Variants in RGS7 observed in about 807,000 individuals in gnomAD.
RGS7 encodes the protein regulator of G-protein signaling 7.
Under a neutral mutation model 81.1 loss-of-function variants are expected in RGS7, and 27 were observed. The ratio of observed to expected loss-of-function variants is 0.33; its 90% confidence interval spans 0.25 to 0.46. The LOEUF is 0.46. Among genes scored for constraint, RGS7 ranks in the 20% least tolerant of loss-of-function variants. The pLI, the probability that RGS7 is intolerant of heterozygous loss-of-function variation, is 1.00. For synonymous variants in RGS7, 208 were observed against 207.7 expected (o/e 1.00, Z -0.01); for missense variants, 396 against 607.4 (o/e 0.65, Z 3.66).
Position 240,784,624 on chromosome 1 carries a change from C to T in RGS7, c.*7-8411G>A, listed in dbSNP as rs538043506. 7.6e-3 allele frequency among the ~76,000 whole-genome samples: 1,140 copies of T among 149,344 alleles called. 9 individuals are homozygous for T. The highest frequency in any genetic ancestry group is 0.026 in the African/African-American group (1,032 of 40,454). Reference sequence around the variant, plus strand: ...TTGCTCCACTGCGCTCCAGCCTGGGCAACAGAATAAGACTCCGCCTCAAAA... The same window carrying T: ...TTGCTCCACTGCGCTCCAGCCTGGGTAACAGAATAAGACTCCGCCTCAAAA... On this transcript the variant is annotated intron_variant, in intron 18 of 18. Transcript: ENST00000440928.
At chr1:241,261,570 A>G (rs112380003) in intron 2 of RGS7, among the ~76,000 whole-genome samples, 23,834 of 149,770 alleles carry the variant, frequency 0.16, 2,019 homozygotes, top group Admixed American at 0.24. Context: ...TGGAGGTTGC[A>G]GTGAGCCGAG....
chr1:241,112,742 C>T (rs1216986747), intron 2 of RGS7, among the ~76,000 whole-genome samples: 4 of 152,134 alleles, frequency 2.6e-5, no homozygotes, highest in South Asian at 4.1e-4. Context: ...TGTAGAAGGG[C>T]AAAAGGAAAA....
At chr1:241,026,432 T>A (rs1029602422) in intron 3 of RGS7, among the ~76,000 whole-genome samples, 1 of 151,928 alleles carries the variant, frequency 6.6e-6, no homozygotes, top group African/African-American at 2.4e-5. Flanking sequence ...CTACTAAAAA[T>A]ACAAAAATTA....
At position 241,128,690 on chromosome 1, in the gene RGS7, C is replaced by G. The variant is rs984922900; in HGVS notation, c.79-29928G>C. ...GTAAATATATACAAATAATTTACATCTCTATAAAATATTTCAAAATTATTT... is the reference window on the plus strand; with the variant it reads ...GTAAATATATACAAATAATTTACATGTCTATAAAATATTTCAAAATTATTT... On this transcript the variant is annotated intron_variant, in intron 2 of 18. Transcript: ENST00000440928. Among the ~76,000 whole-genome samples, 9 of 147,482 alleles carry G rather than the reference C, an allele frequency of 6.1e-5. No homozygotes were observed. In the Admixed American group the frequency reaches 6.2e-4, roughly 10 times the overall value.
intron 9 of RGS7, among the ~76,000 whole-genome samples, chr1:240,837,610 A>G (rs1161096962): frequency 5.3e-5 from 8 of 152,198 alleles, no homozygotes; most frequent in Admixed American, 4.6e-4. Flanking sequence ...TTTTTACTTT[A>G]ACACTTAACA....
chr1:241,090,325 C>G (rs546193514), intron 3 of RGS7, among the ~76,000 whole-genome samples: 1 of 151,988 alleles, frequency 6.6e-6, no homozygotes, highest in Non-Finnish European at 1.5e-5. Context: ...AGAGTCAAGG[C>G]GACCCCGGCA....
intron 2 of RGS7, among the ~76,000 whole-genome samples, chr1:241,281,206 G>A (rs1246484672): frequency 2.0e-5 from 3 of 152,150 alleles, no homozygotes; most frequent in Non-Finnish European, 4.4e-5. Context: ...CAGATGGTAC[G>A]TGGCACCATT....
At chr1:241,089,807 C>A (rs1434073214) in intron 3 of RGS7, among the ~76,000 whole-genome samples, 1 of 151,848 alleles carries the variant, frequency 6.6e-6, no homozygotes, top group Non-Finnish European at 1.5e-5. Context: ...AGATCGAGAC[C>A]ATCCCGGCTA....
rs2148028812 is a variant in RGS7, at chr1:240,870,083, G to A, written c.422C>T (p.Ala141Val). The change falls in exon 7 of 19, where the codon GCA (alanine) becomes GTA (valine). Residue 141 changes from alanine (A) to valine (V), a missense_variant. Ala to Val is a moderately conservative substitution (Grantham distance 64). Coordinates refer to ENST00000440928, the MANE Select transcript of RGS7 (RefSeq NM_001364886.1). ...CTCATAGTCTGCGAGCTCCAGTCGT[G>A]CCTTGTTTTGCATTGTTCTCTTGCA... ...YLCKRTMQNK[A>V]RLELADYEAE... 6.2e-7 allele frequency: 1 copy of A among 1,613,984 alleles called. No individual in the cohort carries two copies. The highest frequency in any genetic ancestry group is 2.2e-5 in the East Asian group (1 of 44,864).
intron 9 of RGS7, among the ~76,000 whole-genome samples, chr1:240,862,424 G>T (rs1662381105): frequency 6.6e-6 from 1 of 152,030 alleles, no homozygotes; most frequent in Non-Finnish European, 1.5e-5. Context: ...CTGGCTAATG[G>T]CTTCCAATCC....
chr1:241,108,975 C>T (rs1340658232), intron 2 of RGS7, among the ~76,000 whole-genome samples: 1 of 152,086 alleles, frequency 6.6e-6, no homozygotes, highest in Non-Finnish European at 1.5e-5. Flanking sequence ...CTCTCTTATA[C>T]GAACTCCTTA....
intron 2 of RGS7, among the ~76,000 whole-genome samples, chr1:241,303,157 C>T (rs6688968): frequency 0.041 from 5,951 of 145,906 alleles, 372 homozygotes; most frequent in African/African-American, 0.14. Context: ...AAGTTCATGT[C>T]AAATTGTAAT....
At chr1:241,114,511 T>A (rs1200167047) in intron 2 of RGS7, among the ~76,000 whole-genome samples, 3 of 152,138 alleles carry the variant, frequency 2.0e-5, no homozygotes, top group Non-Finnish European at 4.4e-5. Flanking sequence ...AAAAAATTCA[T>A]GTACATCTCA....
chr1:241,199,179 T>C (rs2073304171), intron 2 of RGS7, among the ~76,000 whole-genome samples: 1 of 151,546 alleles, frequency 6.6e-6, no homozygotes, highest in Non-Finnish European at 1.5e-5. Context: ...AAAAAGACTT[T>C]ATTGGCCGGT....
At chr1:241,343,856 T>C (rs12130063) in intron 2 of RGS7, among the ~76,000 whole-genome samples, 95,045 of 152,044 alleles carry the variant, frequency 0.63, 32,758 homozygotes, top group Non-Finnish European at 0.77. Flanking sequence ...CATTTTATGA[T>C]ATATATTTTT....
At chr1:240,944,774 C>T (rs1211082997) in intron 4 of RGS7, among the ~76,000 whole-genome samples, 1 of 152,170 alleles carries the variant, frequency 6.6e-6, no homozygotes, top group African/African-American at 2.4e-5. Flanking sequence ...AGTGCAGTGG[C>T]GCGATCTTCG....
intron 2 of RGS7, among the ~76,000 whole-genome samples, chr1:241,129,129 G>A (rs980099350): frequency 6.6e-6 from 1 of 152,036 alleles, no homozygotes; most frequent in Non-Finnish European, 1.5e-5. Flanking sequence ...AAAAACAGGT[G>A]AGCTTCTTAC....
intron 5 of RGS7, among the ~76,000 whole-genome samples, chr1:240,932,906 C>G (rs1428734433): frequency 1.2e-5 from 1 of 84,590 alleles, no homozygotes; most frequent in African/African-American, 4.7e-5. Context: ...TTTTTTGAGA[C>G]AGAGTCTCGC....
At chr1:240,818,982 T>C (rs1691309579) in intron 10 of RGS7, among the ~76,000 whole-genome samples, 1 of 152,220 alleles carries the variant, frequency 6.6e-6, no homozygotes, top group African/African-American at 2.4e-5. Flanking sequence ...AATATGTTGA[T>C]TACTCTGATT....
Sources: allele counts gnomAD v4.1 joint callset (sites outside exome capture counted in the v4.1 genomes callset), GRCh38; gene constraint gnomAD v4.1.1; transcripts MANE v1.5; gene names NCBI Gene and HGNC (gene_info 2026-07-23, HGNC 2026-07-21).